The following UTRN variants were observed in gnomAD, a reference collection of about 807,000 sequenced individuals.
UTRN encodes utrophin.
Under a neutral mutation model 463.9 loss-of-function variants are expected in UTRN, and 283 were observed. That is an observed-to-expected ratio of 0.61 (90% CI 0.55 to 0.67). The LOEUF (loss-of-function observed/expected upper bound fraction) is 0.67, where lower values mean the gene tolerates loss of function less well. Ranked by LOEUF, UTRN falls within the 30% of genes least tolerant of loss-of-function variation. The pLI, the probability that UTRN is intolerant of heterozygous loss-of-function variation, is 0.00. For missense variants in UTRN, 3,922 were observed against 4,084.3 expected, an observed-to-expected ratio of 0.96 and a Z score of 1.08; for synonymous variants, 1,442 against 1,431.5, an observed-to-expected ratio of 1.01 and a Z score of -0.17.
intron 69 of UTRN, among the ~76,000 whole-genome samples, chr6:144,834,849 A>G (rs1383572652): frequency 6.6e-6 from 1 of 152,216 alleles, no homozygotes; most frequent in Non-Finnish European, 1.5e-5. Context: ...TCTGATAGCT[A>G]CATAACTGAC....
chr6:144,577,898 C>T (rs1166988284), intron 51 of UTRN, among the ~76,000 whole-genome samples: 1 of 152,142 alleles, frequency 6.6e-6, no homozygotes, highest in Non-Finnish European at 1.5e-5. Flanking sequence ...ACTCTTGAAC[C>T]TTCCAGTTCA....
At chr6:144,417,902 C>T (rs767785327) in intron 3 of UTRN, among the ~76,000 whole-genome samples, 1 of 152,108 alleles carries the variant, frequency 6.6e-6, no homozygotes, top group Non-Finnish European at 1.5e-5. Context: ...CTACCATGTT[C>T]TCATGTTCAG....
At chr6:144,827,268 C>T in intron 66 of UTRN, 80 bp from the exon 67 acceptor site, 3 of 1,541,792 alleles carry the variant, frequency 1.9e-6, no homozygotes, top group Non-Finnish European at 2.7e-6. Context: ...GAGAATCTCC[C>T]CACACCCCCA....
intron 2 of UTRN, among the ~76,000 whole-genome samples, chr6:144,356,187 A>G (rs1158653738): frequency 1.3e-5 from 2 of 152,204 alleles, no homozygotes; most frequent in Non-Finnish European, 2.9e-5. Context: ...GTTTTGTTAG[A>G]TATGATATTT....
intron 51 of UTRN, among the ~76,000 whole-genome samples, chr6:144,664,906 C>T (rs1215775540): frequency 6.6e-6 from 1 of 151,558 alleles, no homozygotes; most frequent in Non-Finnish European, 1.5e-5. Context: ...AATCATGATT[C>T]CTCATTTTCA....
At chr6:144,704,584 G>T (rs11969764) in intron 53 of UTRN, among the ~76,000 whole-genome samples, 3,329 of 152,234 alleles carry the variant, frequency 0.022, 79 homozygotes, top group African/African-American at 0.064. Flanking sequence ...TAGCCATCAT[G>T]TATTAATAAG....
chr6:144,685,874 G>T (rs1782704401), intron 52 of UTRN, among the ~76,000 whole-genome samples: 1 of 152,048 alleles, frequency 6.6e-6, no homozygotes, highest in Non-Finnish European at 1.5e-5. Context: ...CTTTTGCTGT[G>T]CAGAAGCATT....
At chr6:144,371,459 T>C (rs766446084) in intron 2 of UTRN, among the ~76,000 whole-genome samples, 8 of 152,254 alleles carry the variant, frequency 5.3e-5, no homozygotes, top group Non-Finnish European at 1.0e-4. Flanking sequence ...TTGCCCAGGC[T>C]GGAGTGCAAT....
chr6:144,497,315 G>A (rs912952582), intron 33 of UTRN, among the ~76,000 whole-genome samples: 2 of 152,028 alleles, frequency 1.3e-5, no homozygotes, highest in African/African-American at 4.8e-5. Context: ...GAGGAGAGAT[G>A]AAGGATGACC....
At chr6:144,386,004 C>G (rs150145911) in intron 2 of UTRN, among the ~76,000 whole-genome samples, 1 of 152,216 alleles carries the variant, frequency 6.6e-6, no homozygotes, top group Admixed American at 6.5e-5. Flanking sequence ...CCACTGTCCC[C>G]GGCCCAGAAC....
intron 2 of UTRN, among the ~76,000 whole-genome samples, chr6:144,374,270 T>C (rs1780248875): frequency 6.6e-6 from 1 of 152,158 alleles, no homozygotes; most frequent in Non-Finnish European, 1.5e-5. Context: ...CTAGGTTCAG[T>C]GGCTTACAAA....
At chr6:144,570,342 T>TA (rs1800822472) in intron 50 of UTRN, among the ~76,000 whole-genome samples, 2 of 152,126 alleles carry the variant, frequency 1.3e-5, no homozygotes, top group Admixed American at 6.6e-5. Flanking sequence ...GGTTCATTTT[T>TA]ATAGATAAAT....
intron 69 of UTRN, among the ~76,000 whole-genome samples, chr6:144,833,893 T>C (rs371089132): frequency 2.6e-5 from 4 of 152,174 alleles, no homozygotes; most frequent in African/African-American, 9.7e-5. Flanking sequence ...GACCCATATC[T>C]CCCTGCCAGT....
chr6:144,812,560 A>T (rs1252358084), intron 65 of UTRN, among the ~76,000 whole-genome samples: 8 of 152,224 alleles, frequency 5.3e-5, no homozygotes, highest in African/African-American at 1.9e-4. Context: ...ATGCATTCAT[A>T]TAGAGATATA....
chr6:144,521,151 T>C (rs951616621), intron 39 of UTRN, among the ~76,000 whole-genome samples: 3 of 152,152 alleles, frequency 2.0e-5, no homozygotes, highest in African/African-American at 4.8e-5. Flanking sequence ...CTGGGCATGA[T>C]GGTGCATGCT....
At chr6:144,369,530 C>T (rs1038492094) in intron 2 of UTRN, among the ~76,000 whole-genome samples, 12 of 152,186 alleles carry the variant, frequency 7.9e-5, no homozygotes, top group African/African-American at 2.4e-4. Flanking sequence ...GCAGGAGAAT[C>T]GCTTGAACCT....
chr6:144,848,721 G>T (rs944693788), intron 74 of UTRN, among the ~76,000 whole-genome samples: 16 of 152,138 alleles, frequency 1.1e-4, no homozygotes, highest in African/African-American at 3.4e-4. Flanking sequence ...GAGGAAAAGA[G>T]CCTAAAGAAC....
At chr6:144,528,350 T>A (rs1015796655) in intron 41 of UTRN, among the ~76,000 whole-genome samples, 2 of 152,154 alleles carry the variant, frequency 1.3e-5, no homozygotes, top group African/African-American at 4.8e-5. Flanking sequence ...GTGATCTTTT[T>A]GGGTATTTTA....
rs762775138 is a variant in UTRN at position 144,751,825 on chromosome 6, C to T, written c.8228C>T (p.Ala2743Val). 6.2e-7 allele frequency: 1 copy of T among 1,606,276 alleles called. No homozygotes were observed. The highest frequency in any genetic ancestry group is 8.5e-7 in the Non-Finnish European group (1 of 1,177,174). The change falls in exon 56 of 75, where the codon GCA becomes GTA. Residue 2743 changes from alanine (A) to valine (V), a missense_variant. Coordinates refer to ENST00000367545, the MANE Select transcript of UTRN (RefSeq NM_007124.3). ...TTCTAGGCATTTAGAGAAGAAATTG[C>T]ACCAATCAACTTTAAAGTTAAAACG... ...EKIMAFREEI[A>V]PINFKVKTVN...
Sources: gnomAD v4.1 joint callset for allele counts (sites outside exome capture counted in the v4.1 genomes callset) on GRCh38, gnomAD v4.1.1 for gene constraint, MANE v1.5 for transcripts, NCBI Gene and HGNC (gene_info 2026-07-23, HGNC 2026-07-21) for gene names.